The following RTN4R variants were observed in gnomAD, a reference collection of about 807,000 sequenced individuals.
RTN4R encodes the protein reticulon-4 receptor.
In RTN4R, 4 loss-of-function variants were observed where a neutral mutation model predicts 27.7. The ratio of observed to expected loss-of-function variants is 0.14; its 90% CI spans 0.07 to 0.33. The LOEUF is 0.33. RTN4R is among the 10% of genes least tolerant of loss of function. The pLI, the probability that RTN4R is intolerant of heterozygous loss-of-function variation, is 1.00. For synonymous variants in RTN4R, 290 were observed against 305.6 expected, an observed-to-expected ratio of 0.95 and a Z score of 0.53; for missense variants, 554 against 671.5, an observed-to-expected ratio of 0.83 and a Z score of 1.93.
intron 1 of RTN4R, among the ~76,000 whole-genome samples, chr22:20,260,174 G>A (rs1016580942): frequency 3.9e-5 from 6 of 152,150 alleles, no homozygotes; most frequent in African/African-American, 1.2e-4. Context: ...TCCTGCTGTT[G>A]TCTCACGTGG....
intron 1 of RTN4R, among the ~76,000 whole-genome samples, chr22:20,249,688 G>A (rs2051164041): frequency 6.6e-6 from 1 of 152,198 alleles, no homozygotes; most frequent in African/African-American, 2.4e-5. Context: ...CCCCTCCCAG[G>A]AGCCAGGGCC....
intron 1 of RTN4R, among the ~76,000 whole-genome samples, chr22:20,247,946 CTT>C (rs1407675293): frequency 6.6e-6 from 1 of 152,204 alleles, no homozygotes; most frequent in East Asian, 1.9e-4. Context: ...CGGCTCCACT[CTT>C]TGCCCTGGCC....
At position 20,255,226 on chromosome 22, in the gene RTN4R, A is replaced by G; in HGVS notation, c.23-12116T>C. The stretch of plus-strand genomic sequence containing the variant: ...GTTGACCGAATGTTATTATTTTTTA[A>G]AACAACTGCATATGTGGCACTAAAA... On this transcript the variant is annotated intron_variant, in intron 1 of 1. Transcript: ENST00000043402. The surrounding 1 kb of genome is among the most constrained non-coding windows in gnomAD (Gnocchi z 4.8). Among the ~76,000 whole-genome samples, 1 of 152,236 alleles carries G rather than the reference A, an allele frequency of 6.6e-6. No homozygotes were observed. Among genetic ancestry groups the G allele is most frequent in the East Asian group, 1.9e-4 (1 of 5,202 alleles).
At chr22:20,260,852 C>T (rs1050218891) in intron 1 of RTN4R, among the ~76,000 whole-genome samples, 2 of 152,172 alleles carry the variant, frequency 1.3e-5, no homozygotes, top group Non-Finnish European at 2.9e-5. Flanking sequence ...AGAGCTCCTG[C>T]TGGAACCCAA....
rs757482940 is a variant in RTN4R, at chr22:20,242,956, G to A, written c.177C>T (p.Ser59=). 4.3e-6 allele frequency: 7 copies of A among 1,612,010 alleles called. No individual in the cohort carries two copies. The South Asian group carries it at 6.6e-5, about 15-fold the overall frequency. ...QAVPVGIPAA[S]QRIFLHGNRI... ...GGTTGCCGTGCAGGAAGATGCGCTG[G>A]CTGGCAGCAGGGATGCCCACGGGCA... Residue 59 remains serine (S), a synonymous_variant, in exon 2 of 2, where the codon AGC becomes AGT. Coordinates refer to ENST00000043402, the MANE Select transcript of RTN4R (RefSeq NM_023004.6).
In RTN4R at chr22:20,259,283, C is replaced by T. The variant is rs117661663; in HGVS notation, c.22+8788G>A. Among the ~76,000 whole-genome samples the T allele has an allele frequency of 1.4e-4, 21 of 152,312 alleles. No homozygotes were observed. In the East Asian group the frequency reaches 2.3e-3, roughly 17 times the overall value. The stretch of plus-strand genomic sequence containing the variant: ...CATGACGGGTCCTCGCGGTGACATC[C>T]GGGAGGTATGTAGATGGAATATCTT... On this transcript the variant is annotated intron_variant, in intron 1 of 1. Coordinates refer to ENST00000043402, the MANE Select transcript of RTN4R (RefSeq NM_023004.6).
At chr22:20,262,411 C>T (rs763693305) in intron 1 of RTN4R, among the ~76,000 whole-genome samples, 1 of 152,186 alleles carries the variant, frequency 6.6e-6, no homozygotes, top group East Asian at 1.9e-4. Context: ...ATGGGCCAGG[C>T]TGGGGCCTTG....
chr22:20,242,062 A>G lies in RTN4R; in HGVS notation c.1071T>C (p.Asn357=). ...CGGGCGGCACGCGTCCCTTCAGCGC[A>G]TTGCCTGCCGAAGCTGGTCTTCCAG... ...LEPGRPASAG[N]ALKGRVPPGD... Residue 357 remains asparagine, a synonymous_variant, in exon 2 of 2, where the codon AAT becomes AAC. Coordinates refer to ENST00000043402, the MANE Select transcript of RTN4R (RefSeq NM_023004.6). 2 of 1,612,514 alleles carry G rather than the reference A, an allele frequency of 1.2e-6. No individual in the cohort carries two copies. The highest frequency in any genetic ancestry group is 2.2e-5 in the East Asian group (1 of 44,866).
At chr22:20,245,355 T>G (rs958111127) in intron 1 of RTN4R, among the ~76,000 whole-genome samples, 8 of 152,214 alleles carry the variant, frequency 5.3e-5, no homozygotes, top group African/African-American at 1.7e-4. Context: ...CCTTGGGGCC[T>G]GCCCGCTGGT....
rs1371686774 is a variant in RTN4R, at chr22:20,255,719, T to C, written c.22+12352A>G. On this transcript the variant is annotated intron_variant, in intron 1 of 1. Transcript: ENST00000043402. This position sits in a 1 kb window ranked among gnomAD's most constrained non-coding sequence, Gnocchi z 4.8. ...CCCCTGCCCGCTCCTGTCCCCTCCT[T>C]GTCACAGATCTGAGCCCCCCACTCC... 6.6e-6 allele frequency among the ~76,000 whole-genome samples: 1 copy of C among 150,878 alleles called. No individual in the cohort carries two copies. The highest frequency in any genetic ancestry group is 2.4e-5 in the African/African-American group (1 of 41,234).
chr22:20,256,836 T>C (rs1312722675), intron 1 of RTN4R, among the ~76,000 whole-genome samples: 1 of 152,194 alleles, frequency 6.6e-6, no homozygotes, highest in African/African-American at 2.4e-5. Flanking sequence ...GTTTCTCATC[T>C]GAGAAATGGG....
chr22:20,264,583 C>A (rs552137787), intron 1 of RTN4R, among the ~76,000 whole-genome samples: 1 of 152,194 alleles, frequency 6.6e-6, no homozygotes, highest in African/African-American at 2.4e-5. Flanking sequence ...AATGAATGAA[C>A]AAATGAGAAA....
At chr22:20,245,052 C>A (rs550513455) in intron 1 of RTN4R, among the ~76,000 whole-genome samples, 9 of 152,212 alleles carry the variant, frequency 5.9e-5, no homozygotes, top group Non-Finnish European at 1.3e-4. Context: ...CGCCTTGAAC[C>A]GAGCCCTGTG....
intron 1 of RTN4R, among the ~76,000 whole-genome samples, 158 bp downstream of exon 1, chr22:20,267,913 C>A (rs1174637804): frequency 6.6e-6 from 1 of 151,922 alleles, no homozygotes. Context: ...GCCAGCGGCC[C>A]CAGCCTGGCG....
chr22:20,242,071 C>A lies in RTN4R; in HGVS notation c.1062G>T (p.Ser354=), dbSNP rs142109661. 40 of 1,612,416 alleles carry A rather than the reference C, an allele frequency of 2.5e-5. No individual in the cohort carries two copies. The South Asian group carries it at 3.8e-4, about 15-fold the overall frequency. ...ASVLEPGRPA[S]AGNALKGRVP... ...CGCGTCCCTTCAGCGCATTGCCTGC[C>A]GAAGCTGGTCTTCCAGGCTCCAGTA... The change falls in exon 2 of 2, where the codon TCG becomes TCT. Residue 354 remains serine, a synonymous_variant. Coordinates refer to ENST00000043402, the MANE Select transcript of RTN4R (RefSeq NM_023004.6).
intron 1 of RTN4R, among the ~76,000 whole-genome samples, chr22:20,259,231 T>A (rs1290035725): frequency 6.6e-6 from 1 of 152,194 alleles, no homozygotes; most frequent in Non-Finnish European, 1.5e-5. Flanking sequence ...AAGAATGGAC[T>A]CCATTAGGGC....
intron 1 of RTN4R, among the ~76,000 whole-genome samples, chr22:20,263,247 G>T (rs2051257988): frequency 6.6e-6 from 1 of 152,138 alleles, no homozygotes; most frequent in African/African-American, 2.4e-5. Flanking sequence ...AGGCCCACAG[G>T]TCTCCTCCTC....
chr22:20,259,745 G>A (rs1039090417), intron 1 of RTN4R, among the ~76,000 whole-genome samples: 6 of 152,178 alleles, frequency 3.9e-5, no homozygotes, highest in Admixed American at 3.3e-4. Context: ...TGGCTTTCAT[G>A]AGCGGTCAAT....
At chr22:20,254,159 C>T (rs1039147627) in intron 1 of RTN4R, among the ~76,000 whole-genome samples, 1 of 152,100 alleles carries the variant, frequency 6.6e-6, no homozygotes, top group Non-Finnish European at 1.5e-5. Flanking sequence ...CCATGAGCAG[C>T]AGTGCACGCC....
Sources: allele counts gnomAD v4.1 joint callset (sites outside exome capture counted in the v4.1 genomes callset), GRCh38; gene constraint gnomAD v4.1.1; non-coding constraint Gnocchi (gnomAD v3.1); transcripts MANE v1.5; gene names NCBI Gene and HGNC (gene_info 2026-07-23, HGNC 2026-07-21).